The following PTPRQ variants were observed in gnomAD, a reference collection of about 807,000 sequenced individuals.
PTPRQ encodes the protein phosphatidylinositol phosphatase PTPRQ.
In PTPRQ, 199 loss-of-function variants were observed where a neutral mutation model predicts 246.0. The ratio of observed to expected loss-of-function variants is 0.81; its 90% CI spans 0.72 to 0.91. The LOEUF (loss-of-function observed/expected upper bound fraction) is 0.91, where lower values mean the gene tolerates loss of function less well. Ranked by LOEUF, PTPRQ falls within the 40% of genes least tolerant of loss-of-function variation. PTPRQ has a pLI of 0.00. For missense variants in PTPRQ, 2,624 were observed against 2,528.4 expected, an observed-to-expected ratio of 1.04 and a Z score of -0.81; for synonymous variants, 869 against 853.2, an observed-to-expected ratio of 1.02 and a Z score of -0.32.
At chr12:80,608,831 C>G (rs544893398) in intron 27 of PTPRQ, among the ~76,000 whole-genome samples, 1 of 150,684 alleles carries the variant, frequency 6.6e-6, no homozygotes, top group East Asian at 2.0e-4. Flanking sequence ...GGCCCCTTTA[C>G]AGAGGTCAAT....
At chr12:80,460,561 T>C in intron 5 of PTPRQ, 92 bp from the exon 6 acceptor site, 2 of 396,882 alleles carry the variant, frequency 5.0e-6, no homozygotes, top group Non-Finnish European at 8.9e-6. Flanking sequence ...ATGTATAGCA[T>C]AAAAGAAAAA....
intron 24 of PTPRQ, among the ~76,000 whole-genome samples, chr12:80,548,506 C>T (rs1032698517): frequency 1.3e-5 from 2 of 152,024 alleles, no homozygotes; most frequent in African/African-American, 2.4e-5. Flanking sequence ...CTTTATCTTA[C>T]AGAGGAAGAA....
chr12:80,444,653 T>C, intron 1 of PTPRQ, 88 bp from the exon 2 acceptor site: 1 of 950,502 alleles, frequency 1.1e-6, no homozygotes, highest in Non-Finnish European at 1.7e-6. Context: ...TAGTGAAGAG[T>C]TAATTTTTGT....
chr12:80,640,162 A>T (rs1033397099), intron 35 of PTPRQ, among the ~76,000 whole-genome samples: 1 of 152,062 alleles, frequency 6.6e-6, no homozygotes, highest in Non-Finnish European at 1.5e-5. Context: ...TATGATGAGA[A>T]TGAGTCTAAA....
At chr12:80,509,200 C>A (rs1364439346) in intron 16 of PTPRQ, among the ~76,000 whole-genome samples, 1 of 151,970 alleles carries the variant, frequency 6.6e-6, no homozygotes, top group East Asian at 1.9e-4. Flanking sequence ...TTCCTTATAA[C>A]TTGTCTCATA....
chr12:80,609,556 C>A (rs934339082), intron 27 of PTPRQ, among the ~76,000 whole-genome samples: 1 of 150,520 alleles, frequency 6.6e-6, no homozygotes, highest in African/African-American at 2.4e-5. Context: ...TGTTTAATAT[C>A]TGGAGTGAAT....
chr12:80,444,499 T>C, intron 1 of PTPRQ, 100 bp downstream of exon 1: 8 of 773,062 alleles, frequency 1.0e-5, no homozygotes, highest in East Asian at 2.7e-5. Flanking sequence ...CTAGGATAGA[T>C]AGAAATGCTG....
Position 80,541,668 on chromosome 12 carries a change from C to A in PTPRQ, c.3268C>A (p.Leu1090Met). The A allele has an allele frequency of 1.3e-6, 2 of 1,551,286 alleles. No homozygotes were observed. The highest frequency in any genetic ancestry group is 1.7e-6 in the Non-Finnish European group (2 of 1,146,712). ...CGGTCTAGTCTTCTACTATGTTTCA[C>A]TGATCTTACAGCAGACTCCTCGCCA... is the stretch of plus-strand genomic sequence containing the variant. The part of the protein sequence containing the change: ...PNGLVFYYVS[L>M]ILQQTPRHVR... The change falls in exon 21 of 45, where the codon CTG becomes ATG. Residue 1090 changes from leucine (L) to methionine (M), a missense_variant. Leu to Met is a conservative substitution (Grantham distance 15). Transcript: ENST00000644991.
intron 3 of PTPRQ, among the ~76,000 whole-genome samples, chr12:80,446,992 T>C (rs1892574828): frequency 6.6e-6 from 1 of 152,010 alleles, no homozygotes; most frequent in Non-Finnish European, 1.5e-5. Flanking sequence ...GAAATCTCCG[T>C]ACTGTTTCTC....
At chr12:80,496,605 G>C in intron 14 of PTPRQ, 74 bp downstream of exon 14, 1 of 1,456,774 alleles carries the variant, frequency 6.9e-7, no homozygotes, top group South Asian at 1.4e-5. Context: ...TCGCCATGTT[G>C]TTTACATTTT....
rs139674786 is a variant in PTPRQ at position 80,474,526 on chromosome 12, C to T, written c.1186+2275C>T. 8.1e-4 allele frequency among the ~76,000 whole-genome samples: 124 copies of T among 152,254 alleles called. 1 individual carries two copies. Among genetic ancestry groups the T allele is most frequent in the East Asian group, 2.1e-3 (11 of 5,190 alleles). The stretch of plus-strand genomic sequence containing the variant: ...TCTACTTTGAAAGAAAATCAGCATC[C>T]TATTATTTTAGCAGTTCTCTTATGT... On this transcript the variant is annotated intron_variant, in intron 8 of 44. Coordinates refer to ENST00000644991, the MANE Select transcript of PTPRQ (RefSeq NM_001145026.2).
At position 80,673,418 on chromosome 12, in the gene PTPRQ, C is replaced by A. The variant is rs996467268; in HGVS notation, c.6738+114C>A. 4.2e-6 allele frequency: 6 copies of A among 1,434,568 alleles called. No homozygotes were observed. In the East Asian group the frequency reaches 1.3e-4, roughly 31 times the overall value. The allele number at this position is 1,434,568 out of a possible 1,614,324, so 88.9% of individuals were successfully genotyped here. ...TTGAAGCTGTGGACACCTTCTTTTC[C>A]TACATTATAAGCCTTTTGGGGAGGA... On this transcript the variant is annotated intron_variant, in intron 43 of 44. Transcript: ENST00000644991.
chr12:80,489,744 T>C (rs894876982), intron 9 of PTPRQ, among the ~76,000 whole-genome samples: 2 of 151,958 alleles, frequency 1.3e-5, no homozygotes, highest in South Asian at 2.1e-4. Context: ...AATCATTTCA[T>C]TGGGAGCCTC....
intron 8 of PTPRQ, among the ~76,000 whole-genome samples, chr12:80,481,673 A>G (rs1237006858): frequency 6.6e-6 from 1 of 152,152 alleles, no homozygotes; most frequent in Non-Finnish European, 1.5e-5. Context: ...CAACTTCAGC[A>G]AAGTCTCAGG....
chr12:80,646,308 G>T lies in PTPRQ; in HGVS notation c.5916-2589G>T, dbSNP rs1554843. On this transcript the variant is annotated intron_variant, in intron 35 of 44. Transcript: ENST00000644991. ...CTGAGGCACAGAAAAATTAAGTATT[G>T]CACATGATAATATAACTAGTAATTG... Among the ~76,000 whole-genome samples, 89 of 152,184 alleles carry T rather than the reference G, an allele frequency of 5.8e-4. No individual in the cohort carries two copies. The East Asian group carries it at 0.014, about 23-fold the overall frequency.
chr12:80,635,210 C>A, intron 35 of PTPRQ, 137 bp downstream of exon 35: 1 of 1,309,310 alleles, frequency 7.6e-7, no homozygotes, highest in Non-Finnish European at 1.0e-6. Flanking sequence ...AGAGTGACCT[C>A]CGTCTTCTAC....
At chr12:80,637,258 A>C (rs560985584) in intron 35 of PTPRQ, among the ~76,000 whole-genome samples, 188 of 152,188 alleles carry the variant, frequency 1.2e-3, no homozygotes, top group African/African-American at 4.4e-3. Context: ...ATCATGAAAA[A>C]GGTGGGCAAG....
At chr12:80,567,728 G>A (rs1325560803) in intron 25 of PTPRQ, among the ~76,000 whole-genome samples, 1 of 152,082 alleles carries the variant, frequency 6.6e-6, no homozygotes, top group African/African-American at 2.4e-5. Context: ...TTTCTATTAG[G>A]AATGAAACTG....
intron 25 of PTPRQ, 42 bp downstream of exon 25, chr12:80,549,776 T>G: frequency 6.7e-7 from 1 of 1,494,810 alleles, no homozygotes; most frequent in East Asian, 2.5e-5. Context: ...AACCTTTAAC[T>G]ATTTGGGGAT....
Sources: gnomAD v4.1 joint callset for allele counts (sites outside exome capture counted in the v4.1 genomes callset) on GRCh38, gnomAD v4.1.1 for gene constraint, MANE v1.5 for transcripts, NCBI Gene and HGNC (gene_info 2026-07-23, HGNC 2026-07-21) for gene names.